Variants in SLCO4A1 observed in about 807,000 individuals in gnomAD.
SLCO4A1 encodes the protein colon organic anion transporter.
A neutral mutation model predicts 64.6 loss-of-function variants in SLCO4A1; 51 were observed. The observed-to-expected ratio is 0.79, with a 90% CI of 0.63 to 1.00. The LOEUF (loss-of-function observed/expected upper bound fraction) is 1.00, where lower values mean the gene tolerates loss of function less well. SLCO4A1 is among the 50% of genes least tolerant of loss of function. The probability of loss-of-function intolerance (pLI) is 0.00; values close to 1 mark genes in which losing one functional copy is unlikely to be tolerated. For missense variants in SLCO4A1, 919 were observed against 980.5 expected, an observed-to-expected ratio of 0.94 and a Z score of 0.84; for synonymous variants, 471 against 444.9, an observed-to-expected ratio of 1.06 and a Z score of -0.74.
downstream of SLCO4A1, among the ~76,000 whole-genome samples, chr20:62,674,090 A>G (rs1987473059): frequency 6.6e-6 from 1 of 152,178 alleles, no homozygotes; most frequent in African/African-American, 2.4e-5. Flanking sequence ...CTCCTCCTAG[A>G]GTCCCACGAG....
downstream of SLCO4A1, among the ~76,000 whole-genome samples, chr20:62,677,193 A>G (rs1987635803): frequency 5.9e-5 from 9 of 152,234 alleles, no homozygotes; most frequent in Admixed American, 5.9e-4. Flanking sequence ...CAGTGATGAA[A>G]TGTTCTGGAG....
At chr20:62,658,138 C>T (rs1352798192) in intron 2 of SLCO4A1, among the ~76,000 whole-genome samples, 1 of 152,250 alleles carries the variant, frequency 6.6e-6, no homozygotes, top group Non-Finnish European at 1.5e-5. Context: ...CTGGCCCCAG[C>T]CGGACTCTGC....
intron 1 of SLCO4A1, among the ~76,000 whole-genome samples, chr20:62,653,808 C>T (rs976156853): frequency 6.6e-6 from 1 of 151,562 alleles, no homozygotes; most frequent in African/African-American, 2.4e-5. Flanking sequence ...CCAAACACTG[C>T]ATGTTCTCAC....
At chr20:62,654,256 G>T (rs1341270592) in intron 1 of SLCO4A1, among the ~76,000 whole-genome samples, 2 of 152,166 alleles carry the variant, frequency 1.3e-5, no homozygotes, top group Non-Finnish European at 2.9e-5. Flanking sequence ...CCTGTCACCG[G>T]GTTTAGGGCC....
chr20:62,644,097 C>G lies in SLCO4A1; in HGVS notation c.-97+1544C>G, dbSNP rs576287597. Among the ~76,000 whole-genome samples, 45 of 152,352 alleles carry G rather than the reference C, an allele frequency of 3.0e-4. No homozygotes were observed. The highest frequency in any genetic ancestry group is 6.5e-4 in the Admixed American group (10 of 15,312). On this transcript the variant is annotated intron_variant, in intron 1 of 11. Transcript: ENST00000217159. The surrounding 1 kb of genome is among the most constrained non-coding windows in gnomAD (Gnocchi z 5.4). ...CAGAACAGCGTCCCAAGAGCTGGGCCTGCGGTTACTGGGCCAGAGTGTCTG... is the reference window on the plus strand; with the variant it reads ...CAGAACAGCGTCCCAAGAGCTGGGCGTGCGGTTACTGGGCCAGAGTGTCTG...
chr20:62,688,244 T>C (rs1025050512), downstream of SLCO4A1, among the ~76,000 whole-genome samples: 1 of 152,134 alleles, frequency 6.6e-6, no homozygotes, highest in African/African-American at 2.4e-5. Context: ...GCAAGGAGGA[T>C]CCCTGGGGTC....
At position 62,644,439 on chromosome 20, in the gene SLCO4A1, G is replaced by T. The variant is rs1285641637; in HGVS notation, c.-97+1886G>T. 2.0e-5 allele frequency among the ~76,000 whole-genome samples: 3 copies of T among 152,250 alleles called. No individual in the cohort carries two copies. The highest frequency in any genetic ancestry group is 7.2e-5 in the African/African-American group (3 of 41,470). On this transcript the variant is annotated intron_variant, in intron 1 of 11. Coordinates refer to ENST00000217159, the MANE Select transcript of SLCO4A1 (RefSeq NM_016354.4). The surrounding 1 kb of genome is among the most constrained non-coding windows in gnomAD (Gnocchi z 5.4). ...GTGCTGGGCAAGTCCCTCCCATGGT[G>T]GAGAGCTGGCTGGGCACGTGGCAGG...
intron 9 of SLCO4A1, 40 bp from the exon 10 acceptor site, chr20:62,668,437 C>G (rs1382298772): frequency 1.2e-6 from 2 of 1,608,262 alleles, no homozygotes; most frequent in Admixed American, 1.7e-5. Flanking sequence ...GCATGCAACC[C>G]CACTTCTGTG....
rs1417121185 is a variant in SLCO4A1, at chr20:62,668,946, C to T, written c.1893C>T (p.Pro631=). 7 of 1,605,856 alleles carry T rather than the reference C, an allele frequency of 4.4e-6. No homozygotes were observed. The highest frequency in any genetic ancestry group is 5.9e-6 in the Non-Finnish European group (7 of 1,179,926). Residue 631 remains proline, a synonymous_variant, in exon 11 of 12, where the codon CCC becomes CCT. Transcript: ENST00000217159. ...TCTCCGCAGGGGGCATCCCGGGGCCCATCGCCTTCGGCTGGGTGATCGACA... is the reference window on the plus strand; with the variant it reads ...TCTCCGCAGGGGGCATCCCGGGGCCTATCGCCTTCGGCTGGGTGATCGACA... ...VVRILGGIPG[P]IAFGWVIDKA...
In SLCO4A1 at chr20:62,685,580, T is replaced by C. The variant is rs1988032652; in HGVS notation, n.351T>C. On this transcript the variant is annotated non_coding_transcript_exon_variant, in exon 3 of 3. Coordinates refer to the SLCO4A1 transcript ENST00000466818. This position sits in a 1 kb window ranked among gnomAD's most constrained non-coding sequence, Gnocchi z 4.6. ...AACGTCTTCCAGAGCAGGCTTTCTC[T>C]AGAGGGTGGACTGCCTGTGTTCTCC... The C allele has an allele frequency of 2.6e-6, 1 of 380,710 alleles. No individual in the cohort carries two copies. Among genetic ancestry groups the C allele is most frequent in the African/African-American group, 2.2e-5 (1 of 45,652 alleles). 23.6% of individuals were successfully genotyped at this position (380,710 alleles called of 1,614,324 possible). A position where few individuals can be genotyped will look rare whatever the true frequency, so the allele number is the denominator to read the frequency against.
At chr20:62,679,656 C>A (rs769141406) in intron 2 of SLCO4A1, among the ~76,000 whole-genome samples, 1 of 152,212 alleles carries the variant, frequency 6.6e-6, no homozygotes, top group African/African-American at 2.4e-5. Flanking sequence ...AGCCACCATG[C>A]CTGGTTTATG....
chr20:62,658,692 C>T lies in SLCO4A1; in HGVS notation c.812C>T (p.Ala271Val), dbSNP rs367785177. Residue 271 changes from alanine to valine, a missense_variant, in exon 3 of 12, where the codon GCG becomes GTG. Ala to Val is a moderately conservative substitution (Grantham distance 64). Coordinates refer to ENST00000217159, the MANE Select transcript of SLCO4A1 (RefSeq NM_016354.4). ...TCTCTCGCAGCCATCTTCTACACAG[C>T]GGCCATCCTGGGCCCAGCTGCCGGC... Reference protein sequence around the residue: ...SPVYIAIFYTAAILGPAAGYL... With the variant: ...SPVYIAIFYTVAILGPAAGYL... 22 of 1,611,098 alleles carry T rather than the reference C, an allele frequency of 1.4e-5. No homozygotes were observed. The highest frequency in any genetic ancestry group is 1.7e-5 in the Non-Finnish European group (20 of 1,179,158).
intron 5 of SLCO4A1, chr20:62,663,420 A>AT (rs1260654555): frequency 6.6e-6 from 1 of 152,198 alleles, no homozygotes; most frequent in East Asian, 1.9e-4. Flanking sequence ...TGCTCTGGTG[A>AT]GAGGCTGGAA....
In SLCO4A1 at chr20:62,656,786, C is replaced by T. The variant is rs879517743; in HGVS notation, c.332C>T (p.Ala111Val). The part of the protein sequence containing the change: ...TPKGILFFLC[A>V]AAFLQGMTVN... ...AAGGGCATCCTGTTCTTCCTGTGTG[C>T]GGCCGCATTCCTGCAGGGGATGACT... Residue 111 changes from alanine to valine, a missense_variant, in exon 2 of 12, where the codon GCG (alanine) becomes GTG (valine). Ala to Val is a moderately conservative substitution (Grantham distance 64). Coordinates refer to ENST00000217159, the MANE Select transcript of SLCO4A1 (RefSeq NM_016354.4). The T allele has an allele frequency of 2.2e-5, 35 of 1,612,722 alleles. No individual in the cohort carries two copies. Among genetic ancestry groups the T allele is most frequent in the Non-Finnish European group, 2.7e-5 (32 of 1,179,924 alleles).
chr20:62,664,905 C>A, intron 5 of SLCO4A1, 29 bp from the exon 6 acceptor site: 1 of 1,563,090 alleles, frequency 6.4e-7, no homozygotes, highest in South Asian at 1.2e-5. Flanking sequence ...GACCCTCAGT[C>A]TCTTCTCCAC....
intron 1 of SLCO4A1, among the ~76,000 whole-genome samples, chr20:62,656,043 T>C (rs969924627): frequency 6.6e-6 from 1 of 152,222 alleles, no homozygotes; most frequent in Non-Finnish European, 1.5e-5. Flanking sequence ...CAGTAGGCCT[T>C]GCCCCCGTCA....
intron 2 of SLCO4A1, among the ~76,000 whole-genome samples, chr20:62,658,229 G>A (rs895131424): frequency 3.9e-5 from 6 of 152,244 alleles, no homozygotes; most frequent in Admixed American, 6.5e-5. Context: ...GAACCCAGGC[G>A]GGTGTTGAGA....
intron 11 of SLCO4A1, 117 bp from the exon 12 acceptor site, chr20:62,671,633 G>A (rs562022614): frequency 8.9e-5 from 81 of 906,850 alleles, no homozygotes; most frequent in Admixed American, 1.8e-4. Flanking sequence ...ATGGGTTTCC[G>A]TGGACCTGGT....
rs977920115 is a variant in SLCO4A1, at chr20:62,685,565, A to G, written n.336A>G. 2.6e-4 allele frequency: 135 copies of G among 509,586 alleles called. No homozygotes were observed. Among genetic ancestry groups the G allele is most frequent in the Non-Finnish European group, 3.4e-4 (133 of 395,152 alleles). The allele number at this position is 509,586 out of a possible 1,614,324, so 31.6% of individuals were successfully genotyped here. A position where few individuals can be genotyped will look rare whatever the true frequency, so the allele number is the denominator to read the frequency against. On this transcript the variant is annotated non_coding_transcript_exon_variant, in exon 3 of 3. Coordinates refer to the SLCO4A1 transcript ENST00000466818. This position sits in a 1 kb window ranked among gnomAD's most constrained non-coding sequence, Gnocchi z 4.6. Reference sequence around the variant, plus strand: ...TCTCGGCTTTCTGACAACGTCTTCCAGAGCAGGCTTTCTCTAGAGGGTGGA... The same window carrying G: ...TCTCGGCTTTCTGACAACGTCTTCCGGAGCAGGCTTTCTCTAGAGGGTGGA...
Sources: gnomAD v4.1 joint callset for allele counts (sites outside exome capture counted in the v4.1 genomes callset) on GRCh38, gnomAD v4.1.1 for gene constraint, Gnocchi (gnomAD v3.1) non-coding constraint, MANE v1.5 for transcripts, NCBI Gene and HGNC (gene_info 2026-07-23, HGNC 2026-07-21) for gene names.